The following ABHD12 variants were observed in gnomAD, a reference collection of about 807,000 sequenced individuals.
ABHD12 encodes the protein lysophosphatidylserine lipase ABHD12.
Under a neutral mutation model 58.3 loss-of-function variants are expected in ABHD12, and 43 were observed. That is an observed-to-expected ratio of 0.74 (90% CI 0.58 to 0.95). The LOEUF is 0.95. Among genes scored for constraint, ABHD12 ranks in the 40% least tolerant of loss-of-function variants. The probability of loss-of-function intolerance (pLI) is 0.00; values close to 1 mark genes in which losing one functional copy is unlikely to be tolerated. For synonymous variants in ABHD12, 219 were observed against 211.2 expected (o/e 1.04, Z -0.32); for missense variants, 539 against 537.2 (o/e 1.00, Z -0.03).
At chr20:25,295,208 G>A (rs957307993) in intron 12 of ABHD12, among the ~76,000 whole-genome samples, 5 of 152,218 alleles carry the variant, frequency 3.3e-5, no homozygotes, top group African/African-American at 1.2e-4. Flanking sequence ...GACTTAAGAC[G>A]GCAAATGGAG....
chr20:25,297,348 A>T (rs2088563569), downstream of ABHD12: 1 of 152,334 alleles, frequency 6.6e-6, no homozygotes, highest in African/African-American at 2.4e-5. Flanking sequence ...TAGCAACTGA[A>T]AATTGTACTT....
chr20:25,362,792 A>G (rs557620494), intron 1 of ABHD12, among the ~76,000 whole-genome samples: 1 of 151,422 alleles, frequency 6.6e-6, no homozygotes, highest in East Asian at 2.0e-4. Context: ...CTCCTGCCTC[A>G]GCCTCCCGAG....
At chr20:25,348,125 G>T (rs1372819967) in intron 1 of ABHD12, among the ~76,000 whole-genome samples, 1 of 151,216 alleles carries the variant, frequency 6.6e-6, no homozygotes, top group South Asian at 2.1e-4. Context: ...CAGGAGAATC[G>T]CTTGAATCTG....
At chr20:25,380,585 C>T (rs574777923) in intron 1 of ABHD12, among the ~76,000 whole-genome samples, 1 of 152,244 alleles carries the variant, frequency 6.6e-6, no homozygotes, top group South Asian at 2.1e-4. Context: ...TTTGCTCCCA[C>T]CACTGCAGTA....
intron 1 of ABHD12, among the ~76,000 whole-genome samples, chr20:25,388,968 G>A (rs1429061408): frequency 1.3e-5 from 2 of 151,748 alleles, no homozygotes; most frequent in African/African-American, 2.4e-5. Context: ...CACCACGCCC[G>A]GCTAATTTTG....
At chr20:25,330,197 G>A (rs2089246519) in intron 2 of ABHD12, among the ~76,000 whole-genome samples, 1 of 152,208 alleles carries the variant, frequency 6.6e-6, no homozygotes, top group Non-Finnish European at 1.5e-5. Context: ...AAAGAAAGTG[G>A]TGACAGACGG....
At chr20:25,328,459 C>T (rs988606046) in intron 2 of ABHD12, among the ~76,000 whole-genome samples, 2 of 152,204 alleles carry the variant, frequency 1.3e-5, no homozygotes, top group Non-Finnish European at 2.9e-5. Flanking sequence ...TGGAACCAGC[C>T]CTGACTCTGA....
chr20:25,331,840 A>C (rs1168602044), intron 2 of ABHD12, among the ~76,000 whole-genome samples: 2 of 152,230 alleles, frequency 1.3e-5, no homozygotes, highest in African/African-American at 4.8e-5. Context: ...GGTACCAGCC[A>C]CTGCAAAATC....
At chr20:25,363,054 G>A (rs1484459060) in intron 1 of ABHD12, among the ~76,000 whole-genome samples, 1 of 151,874 alleles carries the variant, frequency 6.6e-6, no homozygotes, top group South Asian at 2.1e-4. Flanking sequence ...CTTTTTATAA[G>A]GGTTATCTAT....
chr20:25,360,333 C>G (rs751222995), intron 1 of ABHD12, among the ~76,000 whole-genome samples: 2 of 148,230 alleles, frequency 1.3e-5, no homozygotes, highest in Non-Finnish European at 3.0e-5. Context: ...TTCCGCCTCC[C>G]AGGTTCAGGC....
intron 1 of ABHD12, chr20:25,368,574 A>G (rs1197427274): frequency 1.4e-6 from 2 of 1,393,518 alleles, no homozygotes; most frequent in Non-Finnish European, 2.0e-6. Context: ...GTGTGAAGTC[A>G]CCACCCTGAT....
In ABHD12 at chr20:25,332,051, C is replaced by A. The variant is rs1433057924; in HGVS notation, c.316+7176G>T. The stretch of plus-strand genomic sequence containing the variant: ...TCAAGACCCATCAGTGTGCTGTATT[C>A]AGGAAACCCATCTCACGTGCAGAGA... On this transcript the variant is annotated intron_variant, in intron 2 of 12. Transcript: ENST00000339157. Among the ~76,000 whole-genome samples the A allele has an allele frequency of 4.6e-5, 7 of 152,174 alleles. No individual in the cohort carries two copies. The South Asian group carries it at 1.5e-3, about 32-fold the overall frequency.
intron 1 of ABHD12, among the ~76,000 whole-genome samples, chr20:25,342,659 C>T (rs1257656116): frequency 6.6e-6 from 1 of 152,114 alleles, no homozygotes; most frequent in African/African-American, 2.4e-5. Context: ...AGTGCGGTGG[C>T]ACAATTATAG....
intron 1 of ABHD12, among the ~76,000 whole-genome samples, chr20:25,358,165 A>T (rs1177104225): frequency 1.3e-5 from 2 of 152,226 alleles, no homozygotes; most frequent in Non-Finnish European, 2.9e-5. Flanking sequence ...TCTTTGACCC[A>T]TCAAATCTCA....
chr20:25,360,227 CTTTTTTTTTTTTTTTTTTT>C (rs576215687), intron 1 of ABHD12, among the ~76,000 whole-genome samples: 2 of 37,408 alleles, frequency 5.3e-5, no homozygotes, highest in South Asian at 1.3e-3. Context: ...GAACACGTTA[CTTTTTTTTTTTTTTTTTTT>C]TTTTTTTTTT....
In ABHD12 at chr20:25,327,092, C is replaced by A. The variant is rs2089189249; in HGVS notation, c.317-3662G>T. Among the ~76,000 whole-genome samples, 6 of 152,252 alleles carry A rather than the reference C, an allele frequency of 3.9e-5. No individual in the cohort carries two copies. The South Asian group carries it at 1.2e-3, about 32-fold the overall frequency. ...GGTAAACACCTACCCCCACTACACC[C>A]CTGGCCAGCAGGAAGAAGTTAGAGC... On this transcript the variant is annotated intron_variant, in intron 2 of 12. Transcript: ENST00000339157.
chr20:25,385,401 A>G (rs2090076316), intron 1 of ABHD12, among the ~76,000 whole-genome samples: 1 of 152,012 alleles, frequency 6.6e-6, no homozygotes, highest in African/African-American at 2.4e-5. Flanking sequence ...CAGGGAAGAA[A>G]ACTAGGGAAA....
intron 1 of ABHD12, among the ~76,000 whole-genome samples, chr20:25,362,118 T>C (rs147887690): frequency 1.5e-4 from 22 of 148,040 alleles, no homozygotes; most frequent in Non-Finnish European, 2.7e-4. Context: ...CTACTAAAAA[T>C]ACACAGAAAA....
At chr20:25,295,776 C>A, downstream of ABHD12, 4 of 1,294,322 alleles carry the variant, frequency 3.1e-6, no homozygotes, top group South Asian at 2.4e-5. Flanking sequence ...TTGGCCTGGG[C>A]CAGAGGGGTT....
Sources: allele counts gnomAD v4.1 joint callset (sites outside exome capture counted in the v4.1 genomes callset), GRCh38; gene constraint gnomAD v4.1.1; transcripts MANE v1.5; gene names NCBI Gene and HGNC (gene_info 2026-07-23, HGNC 2026-07-21).